Variants in CDC14B observed in about 807,000 individuals in gnomAD.
CDC14B encodes dual specificity protein phosphatase CDC14B.
CDC14B carries 22 observed loss-of-function variants against 64.2 expected under a neutral mutation model. The observed-to-expected ratio is 0.34, with a 90% CI of 0.24 to 0.49. The LOEUF is 0.49. CDC14B is among the 20% of genes least tolerant of loss of function. The probability of loss-of-function intolerance (pLI) is 0.99; values close to 1 mark genes in which losing one functional copy is unlikely to be tolerated. For missense variants in CDC14B, 498 were observed against 629.9 expected (o/e 0.79, Z 2.24); for synonymous variants, 191 against 215.8 (o/e 0.89, Z 1.01).
downstream of CDC14B, among the ~76,000 whole-genome samples, chr9:96,498,236 A>G (rs1833333137): frequency 6.6e-6 from 1 of 152,198 alleles, no homozygotes; most frequent in Admixed American, 6.5e-5. Flanking sequence ...TTGATGTCAC[A>G]GTCCCCCAGC....
intron 13 of CDC14B, among the ~76,000 whole-genome samples, chr9:96,494,271 G>A (rs1833161329): frequency 6.6e-6 from 1 of 152,246 alleles, no homozygotes; most frequent in Non-Finnish European, 1.5e-5. Context: ...TGTTAGGAGA[G>A]GGGACAGGAA....
chr9:96,601,495 C>CA (rs901136057), intron 1 of CDC14B, among the ~76,000 whole-genome samples: 34 of 142,772 alleles, frequency 2.4e-4, no homozygotes, highest in Admixed American at 3.5e-4. Flanking sequence ...GACTCCATCT[C>CA]AAAAAAAAAA....
intron 1 of CDC14B, among the ~76,000 whole-genome samples, chr9:96,579,454 C>G (rs112838607): frequency 6.6e-6 from 1 of 151,950 alleles, no homozygotes; most frequent in Non-Finnish European, 1.5e-5. Context: ...TGCATGATGG[C>G]GAGTGCCTGT....
At chr9:96,517,390 C>G (rs542081906) in intron 12 of CDC14B, among the ~76,000 whole-genome samples, 19 of 146,934 alleles carry the variant, frequency 1.3e-4, no homozygotes, top group African/African-American at 4.8e-4. Flanking sequence ...TGGTGGCTCA[C>G]ACCTGTAATC....
chr9:96,576,953 CAAT>C (rs1844848740), intron 1 of CDC14B, among the ~76,000 whole-genome samples: 1 of 152,046 alleles, frequency 6.6e-6, no homozygotes, highest in Non-Finnish European at 1.5e-5. Flanking sequence ...GACTACAATA[CAAT>C]AAAAGAAATG....
intron 13 of CDC14B, among the ~76,000 whole-genome samples, chr9:96,494,131 GCTGT>G (rs1379054600): frequency 6.6e-6 from 1 of 152,198 alleles, no homozygotes; most frequent in Non-Finnish European, 1.5e-5. Context: ...AGGCAAGGAC[GCTGT>G]CTTTCTTGCT....
In CDC14B at chr9:96,594,031, C is replaced by T. The variant is rs113476640; in HGVS notation, c.160+25188G>A. Among the ~76,000 whole-genome samples the T allele has an allele frequency of 1.6e-3, 243 of 152,154 alleles. 3 individuals carry two copies. The highest frequency in any genetic ancestry group is 5.2e-3 in the African/African-American group (216 of 41,512). ...ATTTCCAATACTAGACAAGATGGAG[C>T]GACAGGAACCAGATTTACTATTCCT... On this transcript the variant is annotated intron_variant, in intron 1 of 13. Coordinates refer to ENST00000375241, the MANE Select transcript of CDC14B (RefSeq NM_033331.4).
intron 3 of CDC14B, among the ~76,000 whole-genome samples, chr9:96,563,995 GAATTTTTAATTAAAGCATGTTAAAATTCT>G (rs1203711289): frequency 6.6e-6 from 1 of 152,056 alleles, no homozygotes; most frequent in African/African-American, 2.4e-5. Flanking sequence ...CCTTACCCAT[GAATTTTTAATTAAAGCATGTTAAAATTCT>G]AATTAAAAAT....
At chr9:96,604,625 C>A (rs1846750483) in intron 1 of CDC14B, among the ~76,000 whole-genome samples, 1 of 151,430 alleles carries the variant, frequency 6.6e-6, no homozygotes, top group Non-Finnish European at 1.5e-5. Context: ...CGTAATCCAC[C>A]TGCCTTACAG....
chr9:96,601,339 A>G (rs1314155072), intron 1 of CDC14B, among the ~76,000 whole-genome samples: 1 of 152,096 alleles, frequency 6.6e-6, no homozygotes, highest in African/African-American at 2.4e-5. Flanking sequence ...TCTACTAAAA[A>G]TAGAAAAATT....
chr9:96,541,579 C>T (rs1840074232), intron 6 of CDC14B, among the ~76,000 whole-genome samples: 1 of 152,204 alleles, frequency 6.6e-6, no homozygotes, highest in African/African-American at 2.4e-5. Context: ...AATCGTATAA[C>T]TCTTATTTTC....
Position 96,619,332 on chromosome 9 carries a change from G to C in CDC14B, c.47C>G (p.Pro16Arg), listed in dbSNP as rs779941105. 2.3e-5 allele frequency: 29 copies of C among 1,281,076 alleles called. No individual in the cohort carries two copies. In the Middle Eastern group the frequency reaches 8.2e-4, roughly 36 times the overall value. 79.4% of individuals were successfully genotyped at this position (1,281,076 alleles called of 1,614,324 possible). ...ERRSSWAAAP[P>R]CSRRCSSTSP... ...GGTCGACGAGCAGCGCCGCGAGCAG[G>C]GGGGCGCGGCGGCCCAGCTCGACCG... The change falls in exon 1 of 14, where the codon CCC becomes CGC. Residue 16 changes from proline (P) to arginine (R), a missense_variant. Transcript: ENST00000375241.
chr9:96,600,390 C>G (rs187843570), intron 1 of CDC14B, among the ~76,000 whole-genome samples: 200 of 152,058 alleles, frequency 1.3e-3, no homozygotes, highest in African/African-American at 3.8e-3. Context: ...TCACTTTATA[C>G]TTATTCTCAG....
intron 4 of CDC14B, among the ~76,000 whole-genome samples, chr9:96,560,746 CA>C (rs1222944817): frequency 6.7e-6 from 1 of 148,670 alleles, no homozygotes. Flanking sequence ...CCACGCCTGC[CA>C]AACTACTCAA....
At chr9:96,610,192 C>T (rs1564393962) in intron 1 of CDC14B, among the ~76,000 whole-genome samples, 2 of 151,882 alleles carry the variant, frequency 1.3e-5, no homozygotes, top group African/African-American at 2.4e-5. Flanking sequence ...AAGAATACTT[C>T]ATTTATTTAT....
Position 96,604,615 on chromosome 9 carries a change from C to T in CDC14B, c.160+14604G>A, listed in dbSNP as rs141001557. On this transcript the variant is annotated intron_variant, in intron 1 of 13. Transcript: ENST00000375241. Reference sequence around the variant, plus strand: ...GGCTGGTCTCAAACTCCCGACCTCACGTAATCCACCTGCCTTACAGGCATG... The same window carrying T: ...GGCTGGTCTCAAACTCCCGACCTCATGTAATCCACCTGCCTTACAGGCATG... Among the ~76,000 whole-genome samples the T allele has an allele frequency of 2.8e-3, 424 of 151,556 alleles. 5 individuals are homozygous for T. Among genetic ancestry groups the T allele is most frequent in the African/African-American group, 9.6e-3 (398 of 41,268 alleles).
At chr9:96,506,104 C>T (rs1278798534) in intron 13 of CDC14B, among the ~76,000 whole-genome samples, 5 of 152,136 alleles carry the variant, frequency 3.3e-5, no homozygotes, top group Non-Finnish European at 7.3e-5. Context: ...TCCCATGTGC[C>T]GCAGAGATGA....
At chr9:96,551,583 G>A (rs1841854152) in intron 5 of CDC14B, among the ~76,000 whole-genome samples, 1 of 152,138 alleles carries the variant, frequency 6.6e-6, no homozygotes, top group Non-Finnish European at 1.5e-5. Flanking sequence ...GTGGGCAGAA[G>A]CCACGGAGGC....
downstream of CDC14B, among the ~76,000 whole-genome samples, chr9:96,497,001 G>A (rs982877758): frequency 1.3e-5 from 2 of 152,218 alleles, no homozygotes; most frequent in East Asian, 3.9e-4. Flanking sequence ...GGAGTCCCAC[G>A]CCAGGGAGAA....
Sources: gnomAD v4.1 joint callset for allele counts (sites outside exome capture counted in the v4.1 genomes callset) on GRCh38, gnomAD v4.1.1 for gene constraint, MANE v1.5 for transcripts, NCBI Gene and HGNC (gene_info 2026-07-23, HGNC 2026-07-21) for gene names.